SPIDR: variants seen among roughly 807,000 people sequenced by gnomAD.
SPIDR encodes scaffold protein involved in DNA repair, also known as DNA repair-scaffolding protein.
Under a neutral mutation model 104.6 loss-of-function variants are expected in SPIDR, and 93 were observed. That is an observed-to-expected ratio of 0.89 (90% CI 0.75 to 1.06). SPIDR has a LOEUF of 1.06. SPIDR is among the 50% of genes least tolerant of loss of function. The pLI is 0.00. For synonymous variants in SPIDR, 431 were observed against 416.9 expected, an observed-to-expected ratio of 1.03 and a Z score of -0.41; for missense variants, 1,154 against 1,111.2, an observed-to-expected ratio of 1.04 and a Z score of -0.55.
Position 47,284,110 on chromosome 8 carries a change from AT to A in SPIDR, c.256+19del. ...CCCAAGCAAGGTAACTATTTTGTTG[AT>A]TTCTTGACAGAGAAGATATAAGACT... On this transcript the variant is annotated intron_variant, in intron 3 of 19. Coordinates refer to ENST00000297423, the MANE Select transcript of SPIDR (RefSeq NM_001080394.4). 6.3e-7 allele frequency: 1 copy of A among 1,588,170 alleles called. No homozygotes were observed. The highest frequency in any genetic ancestry group is 8.6e-7 in the Non-Finnish European group (1 of 1,165,596).
chr8:47,319,468 A>G (rs1026149748), intron 5 of SPIDR, among the ~76,000 whole-genome samples: 6 of 152,180 alleles, frequency 3.9e-5, no homozygotes, highest in South Asian at 4.1e-4. Context: ...ACCTACAAAG[A>G]TACTTAGACT....
intron 8 of SPIDR, among the ~76,000 whole-genome samples, chr8:47,450,654 G>T (rs1334325700): frequency 1.3e-5 from 2 of 152,178 alleles, no homozygotes; most frequent in Non-Finnish European, 2.9e-5. Context: ...GGCAACATTT[G>T]AACAAAATAT....
intron 5 of SPIDR, among the ~76,000 whole-genome samples, chr8:47,355,271 T>TAAA (rs34902790): frequency 2.6e-5 from 3 of 116,564 alleles, no homozygotes; most frequent in African/African-American, 9.9e-5. Flanking sequence ...AGGTTTTTTG[T>TAAA]AAAAAAAAAA....
At chr8:47,375,259 T>TTTTTTTTTTCCA in intron 5 of SPIDR, among the ~76,000 whole-genome samples, 1 of 140,796 alleles carries the variant, frequency 7.1e-6, no homozygotes, top group African/African-American at 2.7e-5. Flanking sequence ...TTTTTTTTTT[T>TTTTTTTTTTCCA]GAGCCAGAGT....
chr8:47,559,783 ACT>A (rs1462372651), intron 8 of SPIDR, among the ~76,000 whole-genome samples: 2 of 151,868 alleles, frequency 1.3e-5, no homozygotes, highest in African/African-American at 2.4e-5. Context: ...GGTAGGAAAG[ACT>A]CTATGTGATT....
At chr8:47,305,233 G>C (rs1313900536) in intron 5 of SPIDR, among the ~76,000 whole-genome samples, 1 of 152,146 alleles carries the variant, frequency 6.6e-6, no homozygotes, top group Non-Finnish European at 1.5e-5. Flanking sequence ...ACTTTGTTAT[G>C]TCATTCTTAT....
At chr8:47,668,034 A>G (rs887444799) in intron 10 of SPIDR, among the ~76,000 whole-genome samples, 2 of 152,226 alleles carry the variant, frequency 1.3e-5, no homozygotes, top group African/African-American at 4.8e-5. Context: ...TAGTCCAGTT[A>G]TCATTAGAGA....
intron 7 of SPIDR, among the ~76,000 whole-genome samples, chr8:47,422,688 C>T (rs1554681886): frequency 6.6e-6 from 1 of 152,164 alleles, no homozygotes; most frequent in Admixed American, 6.5e-5. Flanking sequence ...AATCATATGT[C>T]TTTTGTGTCG....
intron 5 of SPIDR, among the ~76,000 whole-genome samples, chr8:47,349,176 CTCTTTGTTGGTTT>C (rs2052877603): frequency 6.6e-6 from 1 of 152,188 alleles, no homozygotes. Flanking sequence ...CTATTCCTGT[CTCTTTGTTGGTTT>C]TCCTTCTAAC....
At chr8:47,682,989 G>T (rs919477709) in intron 11 of SPIDR, among the ~76,000 whole-genome samples, 2 of 152,144 alleles carry the variant, frequency 1.3e-5, no homozygotes, top group Non-Finnish European at 2.9e-5. Context: ...GGAAGACAAG[G>T]GACTGTGATC....
chr8:47,393,405 G>T (rs1179471520), intron 5 of SPIDR, among the ~76,000 whole-genome samples: 1 of 152,050 alleles, frequency 6.6e-6, no homozygotes, highest in Non-Finnish European at 1.5e-5. Context: ...CTCCCTCTCT[G>T]TATCACCATT....
chr8:47,435,383 T>C (rs1021917976), intron 7 of SPIDR, among the ~76,000 whole-genome samples: 3 of 152,112 alleles, frequency 2.0e-5, no homozygotes, highest in African/African-American at 7.2e-5. Flanking sequence ...ACAAAAGACT[T>C]TTCAAAGAGC....
At position 47,367,387 on chromosome 8, in the gene SPIDR, T is replaced by G. The variant is rs530569300; in HGVS notation, c.526-28989T>G. On this transcript the variant is annotated intron_variant, in intron 5 of 19. Transcript: ENST00000297423. ...AGGAGAACTAAGCTCCACCACCACC[T>G]TGATTTCATCTTTGTGACACTCTGA... 3.9e-5 allele frequency among the ~76,000 whole-genome samples: 6 copies of G among 152,324 alleles called. No homozygotes were observed. The East Asian group carries it at 1.2e-3, about 29-fold the overall frequency.
chr8:47,416,013 A>G (rs1249494408), intron 7 of SPIDR, among the ~76,000 whole-genome samples: 1 of 152,220 alleles, frequency 6.6e-6, no homozygotes, highest in Non-Finnish European at 1.5e-5. Flanking sequence ...TGGGAGACCA[A>G]GGCCGGCAGA....
intron 10 of SPIDR, chr8:47,660,876 G>C (rs1047725781): frequency 4.7e-6 from 4 of 858,326 alleles, no homozygotes; most frequent in South Asian, 5.3e-5. Context: ...CTATTTTCTT[G>C]TCAGTTAACT....
In SPIDR at chr8:47,297,335, G is replaced by C. The variant is rs965070755; in HGVS notation, c.525+3305G>C. Among the ~76,000 whole-genome samples the C allele has an allele frequency of 8.5e-5, 13 of 152,140 alleles. 1 individual carries two copies. The highest frequency in any genetic ancestry group is 5.9e-4 in the Admixed American group (9 of 15,264). On this transcript the variant is annotated intron_variant, in intron 5 of 19. Coordinates refer to ENST00000297423, the MANE Select transcript of SPIDR (RefSeq NM_001080394.4). ...CCTTTTTCCAGGGAGCATGGCAGCTGTGGGCTTGTTACATATGGCCTTTAT... is the reference window on the plus strand; with the variant it reads ...CCTTTTTCCAGGGAGCATGGCAGCTCTGGGCTTGTTACATATGGCCTTTAT...
At chr8:47,345,271 A>G (rs1465391451) in intron 5 of SPIDR, among the ~76,000 whole-genome samples, 3 of 152,124 alleles carry the variant, frequency 2.0e-5, no homozygotes, top group African/African-American at 4.8e-5. Context: ...TCACATGGTT[A>G]TAGATGTGTG....
At chr8:47,730,665 T>C (rs1200229626) in intron 19 of SPIDR, among the ~76,000 whole-genome samples, 1 of 152,136 alleles carries the variant, frequency 6.6e-6, no homozygotes, top group East Asian at 1.9e-4. Flanking sequence ...CACTACAGCC[T>C]CGAACTCCTG....
chr8:47,439,126 A>G (rs984250622), intron 7 of SPIDR, among the ~76,000 whole-genome samples: 1 of 152,212 alleles, frequency 6.6e-6, no homozygotes, highest in Non-Finnish European at 1.5e-5. Flanking sequence ...ACTGCCTAGA[A>G]TTAGTAACAC....
Sources: allele counts gnomAD v4.1 joint callset (sites outside exome capture counted in the v4.1 genomes callset), GRCh38; gene constraint gnomAD v4.1.1; transcripts MANE v1.5; gene names NCBI Gene and HGNC (gene_info 2026-07-23, HGNC 2026-07-21).